The following UST variants were observed in gnomAD, a reference collection of about 807,000 sequenced individuals.
UST encodes the protein chondroitin sulfate 2-O-sulfotransferase.
A neutral mutation model predicts 45.6 loss-of-function variants in UST; 21 were observed. The ratio of observed to expected loss-of-function variants is 0.46; its 90% CI spans 0.33 to 0.66. The LOEUF (loss-of-function observed/expected upper bound fraction) is 0.66. Among genes scored for constraint, UST ranks in the 30% least tolerant of loss-of-function variants. The pLI, the probability that UST is intolerant of heterozygous loss-of-function variation, is 0.02. For missense variants in UST, 463 were observed against 512.4 expected (o/e 0.90, Z 0.93); for synonymous variants, 215 against 200.6 (o/e 1.07, Z -0.61).
chr6:148,977,614 A>T (rs552190653), intron 5 of UST, among the ~76,000 whole-genome samples: 115 of 152,032 alleles, frequency 7.6e-4, no homozygotes, highest in Non-Finnish European at 1.2e-3. Flanking sequence ...TAGCCGGACG[A>T]GGTGGCGGGT....
chr6:148,902,193 T>A (rs9638007), intron 2 of UST, among the ~76,000 whole-genome samples: 1 of 152,160 alleles, frequency 6.6e-6, no homozygotes. Context: ...CTTTGCAATC[T>A]AGAAACAGAT....
chr6:149,047,811 A>G (rs1776415841), intron 7 of UST, among the ~76,000 whole-genome samples: 1 of 152,248 alleles, frequency 6.6e-6, no homozygotes, highest in Non-Finnish European at 1.5e-5. Context: ...TCTCAAGCTC[A>G]TCTGGAAAAA....
chr6:148,826,707 A>C (rs558759094), intron 1 of UST, among the ~76,000 whole-genome samples: 53 of 152,320 alleles, frequency 3.5e-4, no homozygotes, highest in African/African-American at 9.4e-4. Flanking sequence ...TCCACATACC[A>C]TGGGCTAAAA....
At chr6:148,997,332 G>A (rs1406564260) in intron 5 of UST, among the ~76,000 whole-genome samples, 1 of 152,154 alleles carries the variant, frequency 6.6e-6, no homozygotes, top group Non-Finnish European at 1.5e-5. Flanking sequence ...CAATGAAAGG[G>A]TCAGAAATGA....
chr6:148,999,908 T>C (rs1023509126), intron 5 of UST, among the ~76,000 whole-genome samples: 69 of 152,262 alleles, frequency 4.5e-4, no homozygotes, highest in African/African-American at 1.6e-3. Context: ...ATTGTAATGA[T>C]TGATAGAATA....
chr6:148,918,476 G>A (rs561744195), intron 2 of UST, among the ~76,000 whole-genome samples: 1 of 152,320 alleles, frequency 6.6e-6, no homozygotes, highest in East Asian at 1.9e-4. Flanking sequence ...TGCAGACAAT[G>A]TGCTTTTTAA....
chr6:149,045,574 T>C (rs1776384436), intron 7 of UST, among the ~76,000 whole-genome samples: 1 of 152,128 alleles, frequency 6.6e-6, no homozygotes, highest in Non-Finnish European at 1.5e-5. Flanking sequence ...AGGCACAGGC[T>C]TAGTAACAAT....
intron 1 of UST, among the ~76,000 whole-genome samples, chr6:148,864,488 C>G (rs1778386632): frequency 6.6e-6 from 1 of 152,244 alleles, no homozygotes; most frequent in Non-Finnish European, 1.5e-5. Flanking sequence ...TCGGCTCATG[C>G]TCCATGGGCT....
In UST at chr6:148,790,417, T is replaced by C. The variant is rs548052671; in HGVS notation, c.247+42740T>C. Among the ~76,000 whole-genome samples, 1 of 152,344 alleles carries C rather than the reference T, an allele frequency of 6.6e-6. No individual in the cohort carries two copies. Among genetic ancestry groups the C allele is most frequent in the East Asian group, 1.9e-4 (1 of 5,188 alleles). ...CACAAGGTTCTGAAAAAGAGGCCACTGGTTCAGATGAGGGCAAGGCAGTTG... is the reference window on the plus strand; with the variant it reads ...CACAAGGTTCTGAAAAAGAGGCCACCGGTTCAGATGAGGGCAAGGCAGTTG... On this transcript the variant is annotated intron_variant, in intron 1 of 7. Transcript: ENST00000367463. The surrounding 1 kb of genome is among the most constrained non-coding windows in gnomAD (Gnocchi z 4.2).
intron 1 of UST, among the ~76,000 whole-genome samples, chr6:148,792,303 A>T (rs1427178296): frequency 6.6e-6 from 1 of 152,186 alleles, no homozygotes; most frequent in African/African-American, 2.4e-5. Flanking sequence ...TTCATACTTG[A>T]CCAAAAAGCA....
At chr6:149,065,471 A>G (rs954564773) in intron 7 of UST, among the ~76,000 whole-genome samples, 22 of 152,216 alleles carry the variant, frequency 1.4e-4, no homozygotes, top group African/African-American at 5.3e-4. Context: ...TATACAAGAC[A>G]AACCACCTCT....
chr6:148,760,735 AC>A (rs754634325), intron 1 of UST, among the ~76,000 whole-genome samples: 110 of 152,076 alleles, frequency 7.2e-4, no homozygotes, highest in Non-Finnish European at 1.1e-3. Flanking sequence ...ACAAAACAAA[AC>A]AAAAAAAAAC....
At chr6:148,920,411 C>T (rs535062046) in intron 2 of UST, among the ~76,000 whole-genome samples, 12 of 152,168 alleles carry the variant, frequency 7.9e-5, no homozygotes, top group Admixed American at 6.5e-5. Flanking sequence ...TGTGGTCTCT[C>T]TGGAGGCCCC....
chr6:148,772,107 TG>T (rs1174403803), intron 1 of UST, among the ~76,000 whole-genome samples: 1 of 152,226 alleles, frequency 6.6e-6, no homozygotes, highest in Non-Finnish European at 1.5e-5. Context: ...GGTATTTCCC[TG>T]GGGAGCTGAA....
chr6:148,990,566 C>A, intron 5 of UST: 2 of 359,654 alleles, frequency 5.6e-6, no homozygotes, highest in Non-Finnish European at 7.8e-6. Flanking sequence ...GAAAGCTTTA[C>A]TTTGGGGATT....
At chr6:148,772,424 G>C (rs1390365257) in intron 1 of UST, among the ~76,000 whole-genome samples, 1 of 148,462 alleles carries the variant, frequency 6.7e-6, no homozygotes, top group Non-Finnish European at 1.5e-5. Flanking sequence ...GGGCCCTTCT[G>C]ACCTTTTTTT....
chr6:148,972,176 T>A, intron 5 of UST, among the ~76,000 whole-genome samples: 1 of 152,332 alleles, frequency 6.6e-6, no homozygotes, highest in East Asian at 1.9e-4. Flanking sequence ...ATAGGACTTG[T>A]CATTGGCTGG....
chr6:148,802,024 C>T (rs559468201), intron 1 of UST, among the ~76,000 whole-genome samples: 81 of 152,108 alleles, frequency 5.3e-4, no homozygotes, highest in Non-Finnish European at 9.7e-4. Context: ...CCTCACAGAC[C>T]CTTAATATAC....
intron 1 of UST, among the ~76,000 whole-genome samples, chr6:148,817,034 T>C (rs1777368589): frequency 6.6e-6 from 1 of 152,190 alleles, no homozygotes; most frequent in African/African-American, 2.4e-5. Context: ...GTTATCAAGA[T>C]TGAGTAAATT....
Sources: allele counts gnomAD v4.1 joint callset (sites outside exome capture counted in the v4.1 genomes callset), GRCh38; gene constraint gnomAD v4.1.1; non-coding constraint Gnocchi (gnomAD v3.1); transcripts MANE v1.5; gene names NCBI Gene and HGNC (gene_info 2026-07-23, HGNC 2026-07-21).